HERC2: variants seen among roughly 807,000 people sequenced by gnomAD.
HERC2 encodes the protein E3 ubiquitin-protein ligase HERC2.
HERC2 carries 102 observed loss-of-function variants against 537.7 expected under a neutral mutation model. The ratio of observed to expected loss-of-function variants is 0.19; its 90% CI spans 0.16 to 0.22. The LOEUF is 0.22. Among genes scored for constraint, HERC2 ranks in the 10% least tolerant of loss-of-function variants. The pLI is 1.00. For missense variants in HERC2, 4,236 were observed against 6,198.2 expected, an observed-to-expected ratio of 0.68 and a Z score of 10.63; for synonymous variants, 2,224 against 2,466.2, an observed-to-expected ratio of 0.90 and a Z score of 2.91.
chr15:28,192,700 C>T (rs367741852), intron 52 of HERC2, among the ~76,000 whole-genome samples: 5 of 152,292 alleles, frequency 3.3e-5, no homozygotes, highest in East Asian at 3.9e-4. Flanking sequence ...GTCAAGATGA[C>T]GCACACCACG....
intron 83 of HERC2, among the ~76,000 whole-genome samples, chr15:28,129,439 C>G (rs1358546698): frequency 1.3e-5 from 2 of 152,248 alleles, no homozygotes; most frequent in Non-Finnish European, 2.9e-5. Flanking sequence ...CAGGCACCCC[C>G]TGCCTGGCGC....
chr15:28,179,293 CCTT>C (rs1053166151), intron 57 of HERC2, 70 bp from the exon 58 acceptor site: 12 of 1,162,610 alleles, frequency 1.0e-5, no homozygotes, highest in Admixed American at 1.0e-4. Context: ...AATTATGTTA[CCTT>C]ATTATATGAT....
chr15:28,192,930 C>CTT (rs5741739), intron 52 of HERC2, among the ~76,000 whole-genome samples: 5 of 148,158 alleles, frequency 3.4e-5, no homozygotes, highest in East Asian at 2.0e-4. Flanking sequence ...TTGGGTTTCC[C>CTT]TTTTTTTTTT....
At chr15:28,167,666 T>C in intron 68 of HERC2, 21 bp downstream of exon 68, 2 of 1,613,056 alleles carry the variant, frequency 1.2e-6, no homozygotes, top group Non-Finnish European at 1.7e-6. Flanking sequence ...AATACAAAGT[T>C]AAAGAAGAAC....
chr15:28,265,706 C>G lies in HERC2; in HGVS notation c.1782G>C (p.Pro594=), dbSNP rs147892890. The G allele has an allele frequency of 6.2e-7, 1 of 1,614,096 alleles. No homozygotes were observed. Among genetic ancestry groups the G allele is most frequent in the East Asian group, 2.2e-5 (1 of 44,890 alleles). The change falls in exon 14 of 93, where the codon CCG becomes CCC. Residue 594 remains proline, a synonymous_variant. Transcript: ENST00000261609. The surrounding 1 kb of genome is among the most constrained non-coding windows in gnomAD (Gnocchi z 4.0). ...GTCCTTTAAGCCCGGCTACCAGCAT[C>G]GGAATGGCCTCGTCCTCACTGGAGC... ...GHGSSEDEAI[P]MLVAGLKGLK...
chr15:28,176,651 C>T lies in HERC2; in HGVS notation c.9514+36G>A, dbSNP rs369147975. The T allele has an allele frequency of 7.3e-5, 118 of 1,613,694 alleles. No homozygotes were observed. The highest frequency in any genetic ancestry group is 8.3e-5 in the Non-Finnish European group (98 of 1,179,748). On this transcript the variant is annotated intron_variant, in intron 62 of 92. Transcript: ENST00000261609. This position sits in a 1 kb window ranked among gnomAD's most constrained non-coding sequence, Gnocchi z 5.0. ...AGGCCAGCGTTTCATATCATTCCTA[C>T]CCACCCAGAAGCACAGAATCCTGCC...
At chr15:28,307,817 C>T (rs1268295729) in intron 2 of HERC2, among the ~76,000 whole-genome samples, 2 of 152,198 alleles carry the variant, frequency 1.3e-5, no homozygotes, top group Non-Finnish European at 2.9e-5. Flanking sequence ...ATTGTCTTTT[C>T]CCCAGTGTAT....
At chr15:28,289,801 C>T (rs982289862) in intron 4 of HERC2, among the ~76,000 whole-genome samples, 1 of 152,222 alleles carries the variant, frequency 6.6e-6, no homozygotes, top group Admixed American at 6.5e-5. Context: ...CACTGCACAT[C>T]CTTAATGCTC....
In HERC2 at chr15:28,146,357, C is replaced by A. The variant is rs776884562; in HGVS notation, c.10901-13G>T. 1.9e-6 allele frequency: 3 copies of A among 1,592,194 alleles called. No homozygotes were observed. Among genetic ancestry groups the A allele is most frequent in the Non-Finnish European group, 2.6e-6 (3 of 1,160,296 alleles). On this transcript the variant is annotated splice_polypyrimidine_tract_variant and intron_variant, in intron 70 of 92. Transcript: ENST00000261609. ...AGTCCTTCTGCACCTGAAGGACAGG[C>A]AAGCACAAAACATAGCAACCACTCC...
intron 16 of HERC2, 80 bp from the exon 17 acceptor site, chr15:28,257,341 G>T: frequency 8.4e-7 from 1 of 1,197,420 alleles, no homozygotes; most frequent in Non-Finnish European, 1.2e-6. Flanking sequence ...CAGCGTGTGT[G>T]ATGGAGCTGC....
intron 53 of HERC2, 115 bp from the exon 54 acceptor site, chr15:28,191,359 T>A: frequency 1.5e-6 from 1 of 667,490 alleles, no homozygotes; most frequent in Admixed American, 2.9e-5. Flanking sequence ...ATATAAAATG[T>A]AGCATGAGAG....
At chr15:28,316,772 C>G (rs1480467686) in intron 2 of HERC2, among the ~76,000 whole-genome samples, 1 of 152,120 alleles carries the variant, frequency 6.6e-6, no homozygotes, top group African/African-American at 2.4e-5. Context: ...CTTTTTTTAT[C>G]TACTGATCGT....
chr15:28,273,374 T>C (rs1367122789), intron 7 of HERC2, among the ~76,000 whole-genome samples: 1 of 152,228 alleles, frequency 6.6e-6, no homozygotes, highest in East Asian at 1.9e-4. Context: ...ATCTACAGAA[T>C]TAAAGAACCA....
chr15:28,263,804 G>A (rs145116746), intron 14 of HERC2, among the ~76,000 whole-genome samples: 39 of 152,120 alleles, frequency 2.6e-4, no homozygotes, highest in African/African-American at 8.9e-4. Flanking sequence ...GGCCAAGGCG[G>A]GCGGATCACT....
At chr15:28,139,997 G>A (rs537129793) in intron 78 of HERC2, among the ~76,000 whole-genome samples, 3 of 151,900 alleles carry the variant, frequency 2.0e-5, no homozygotes, top group South Asian at 4.2e-4. Flanking sequence ...GAACCCAGGA[G>A]GCAGAGGTTG....
intron 2 of HERC2, among the ~76,000 whole-genome samples, chr15:28,317,218 G>A (rs148118843): frequency 0.019 from 2,845 of 151,722 alleles, 6 homozygotes; most frequent in African/African-American, 0.065. Context: ...AACCTCCCAA[G>A]TAGCTGGGAT....
chr15:28,288,949 T>G (rs2076236850), intron 4 of HERC2, among the ~76,000 whole-genome samples: 1 of 151,988 alleles, frequency 6.6e-6, no homozygotes, highest in Admixed American at 6.6e-5. Context: ...ATTGTGGGGT[T>G]TATACCATGT....
At chr15:28,307,667 T>C (rs2076827869) in intron 2 of HERC2, among the ~76,000 whole-genome samples, 1 of 152,242 alleles carries the variant, frequency 6.6e-6, no homozygotes. Flanking sequence ...AATTCCTCGT[T>C]ATCAATTTTT....
At chr15:28,123,282 T>C (rs1889124581) in intron 85 of HERC2, among the ~76,000 whole-genome samples, 2 of 152,210 alleles carry the variant, frequency 1.3e-5, no homozygotes, top group Admixed American at 1.3e-4. Flanking sequence ...ATTAAATCAC[T>C]AAGAATGGGC....
Sources: gnomAD v4.1 joint callset for allele counts (sites outside exome capture counted in the v4.1 genomes callset) on GRCh38, gnomAD v4.1.1 for gene constraint, Gnocchi (gnomAD v3.1) non-coding constraint, MANE v1.5 for transcripts, NCBI Gene and HGNC (gene_info 2026-07-23, HGNC 2026-07-21) for gene names.